TCF7L2: variants seen among roughly 807,000 people sequenced by gnomAD.
TCF7L2 encodes the protein transcription factor 7-like 2.
A neutral mutation model predicts 77.9 loss-of-function variants in TCF7L2; 23 were observed. That is an observed-to-expected ratio of 0.30 (90% CI 0.21 to 0.42). The LOEUF (loss-of-function observed/expected upper bound fraction) is 0.42. Ranked by LOEUF, TCF7L2 falls within the 10% of genes least tolerant of loss-of-function variation. The pLI is 1.00. For synonymous variants in TCF7L2, 413 were observed against 340.2 expected, an observed-to-expected ratio of 1.21 and a Z score of -2.36; for missense variants, 654 against 793.1, an observed-to-expected ratio of 0.82 and a Z score of 2.11.
At position 112,951,589 on chromosome 10, in the gene TCF7L2, C is replaced by T. The variant is rs370746069; in HGVS notation, c.363C>T (p.Leu121=). The stretch of plus-strand genomic sequence containing the variant: ...GCCCCTACCTCCCCAACGGATCGCT[C>T]TCGCCCACCGCCCGAACCGTAAGTG... Residue 121 remains leucine, a synonymous_variant, in exon 3 of 14, where the codon CTC becomes CTT. Coordinates refer to ENST00000627217, the MANE Select transcript of TCF7L2 (RefSeq NM_001146274.2). The T allele has an allele frequency of 2.8e-5, 37 of 1,344,502 alleles. No homozygotes were observed. In the African/African-American group the frequency reaches 5.7e-4, roughly 21 times the overall value. 83.3% of individuals were successfully genotyped at this position (1,344,502 alleles called of 1,614,324 possible).
rs71869784 is a variant in TCF7L2, at chr10:113,036,115, CCATCATCATCATCATCAT to C, written c.451-3878_451-3861del. On this transcript the variant is annotated intron_variant, in intron 4 of 13. Transcript: ENST00000627217. ...TGTCGCCATATCATCATCATCATCA[CCATCATCATCATCATCAT>C]CATCATCATCATCATCATCATCATC... Among the ~76,000 whole-genome samples, 286 of 146,590 alleles carry C rather than the reference CCATCATCATCATCATCAT, an allele frequency of 2.0e-3. 2 individuals are homozygous for C. The highest frequency in any genetic ancestry group is 5.8e-3 in the African/African-American group (230 of 39,516).
chr10:112,960,876 G>A (rs2034911413), intron 3 of TCF7L2, among the ~76,000 whole-genome samples: 1 of 151,406 alleles, frequency 6.6e-6, no homozygotes, highest in Non-Finnish European at 1.5e-5. Flanking sequence ...TATTTTTAGT[G>A]GAGATGGTGT....
intron 4 of TCF7L2, among the ~76,000 whole-genome samples, chr10:113,034,957 C>T (rs112701213): frequency 6.6e-6 from 1 of 152,098 alleles, no homozygotes; most frequent in African/African-American, 2.4e-5. Context: ...CTTCCCCTCT[C>T]CCCTCCCCTC....
At chr10:112,975,683 T>C (rs11816006) in intron 4 of TCF7L2, among the ~76,000 whole-genome samples, 23,847 of 152,094 alleles carry the variant, frequency 0.16, 3,421 homozygotes, top group African/African-American at 0.39. Flanking sequence ...GGTTTCACCA[T>C]GTTGGCCAGG....
intron 5 of TCF7L2, among the ~76,000 whole-genome samples, chr10:113,140,779 T>TGCA (rs1356573502): frequency 6.6e-6 from 1 of 152,124 alleles, no homozygotes; most frequent in African/African-American, 2.4e-5. Flanking sequence ...TGGTCCCCTG[T>TGCA]GCAGCCTGCG....
In TCF7L2 at chr10:113,165,571, G is replaced by A. The variant is rs368331428; in HGVS notation, c.1408G>A (p.Val470Ile). The A allele has an allele frequency of 1.1e-5, 18 of 1,613,674 alleles. No homozygotes were observed. Among genetic ancestry groups the A allele is most frequent in the Non-Finnish European group, 1.5e-5 (18 of 1,179,904 alleles). ...TGTTTCTAGGAGAAAAAAAAAGTGC[G>A]TTCGCTACATACAAGGTGAAGGCAG... The change falls in exon 14 of 14, where the codon GTT (valine) becomes ATT (isoleucine). Residue 470 changes from valine (V) to isoleucine (I), a missense_variant. Around this residue, in one of 6 missense-constraint regions of TCF7L2, gnomAD observed 272 missense variants for 215.4 expected, o/e 1.26. Coordinates refer to ENST00000627217, the MANE Select transcript of TCF7L2 (RefSeq NM_001146274.2).
intron 5 of TCF7L2, among the ~76,000 whole-genome samples, chr10:113,048,702 C>A (rs948671787): frequency 6.6e-6 from 1 of 152,146 alleles, no homozygotes. Context: ...TTATGTGGAA[C>A]GTGGTTGCAC....
chr10:113,084,791 G>C (rs1343425768), intron 5 of TCF7L2, among the ~76,000 whole-genome samples: 2 of 151,870 alleles, frequency 1.3e-5, no homozygotes, highest in Admixed American at 1.3e-4. Context: ...CCAGCTACTC[G>C]GGAGGCTGTC....
At chr10:113,009,824 C>G (rs1047505496) in intron 4 of TCF7L2, among the ~76,000 whole-genome samples, 37 of 152,176 alleles carry the variant, frequency 2.4e-4, no homozygotes, top group African/African-American at 8.4e-4. Context: ...CCCGGTGAGT[C>G]TCAAGGGGAG....
chr10:113,045,189 C>T lies in TCF7L2; in HGVS notation c.552+5063C>T, dbSNP rs142060562. On this transcript the variant is annotated intron_variant, in intron 5 of 13. Coordinates refer to ENST00000627217, the MANE Select transcript of TCF7L2 (RefSeq NM_001146274.2). ...AATATTTAGTGTGGGAAAAAGCATG[C>T]TAGACACCAAGAGAGAGTGGAGTCA... Among the ~76,000 whole-genome samples the T allele has an allele frequency of 2.4e-3, 359 of 152,180 alleles. 1 individual carries two copies. Among genetic ancestry groups the T allele is most frequent in the African/African-American group, 8.5e-3 (352 of 41,516 alleles).
intron 13 of TCF7L2, among the ~76,000 whole-genome samples, chr10:113,162,030 T>C (rs2073244653): frequency 6.6e-6 from 1 of 152,222 alleles, no homozygotes; most frequent in South Asian, 2.1e-4. Context: ...GAAAGGAGTT[T>C]TGTGACAAAG....
chr10:112,970,889 A>C (rs1449587210), intron 4 of TCF7L2, among the ~76,000 whole-genome samples: 1 of 152,218 alleles, frequency 6.6e-6, no homozygotes, highest in African/African-American at 2.4e-5. Context: ...GAGCTGTAGC[A>C]GACTTAGGCT....
intron 5 of TCF7L2, among the ~76,000 whole-genome samples, chr10:113,121,959 G>A (rs769857373): frequency 1.3e-4 from 20 of 152,128 alleles, no homozygotes; most frequent in Non-Finnish European, 2.8e-4. Flanking sequence ...ACACGGATTC[G>A]GAACAACAGT....
chr10:113,004,267 G>A (rs1027545332), intron 4 of TCF7L2, among the ~76,000 whole-genome samples: 4 of 152,140 alleles, frequency 2.6e-5, no homozygotes, highest in Non-Finnish European at 5.9e-5. Flanking sequence ...GCAGGGCAGG[G>A]AGTAGGATGG....
chr10:113,063,523 G>T (rs1419318749), intron 5 of TCF7L2, among the ~76,000 whole-genome samples: 1 of 152,162 alleles, frequency 6.6e-6, no homozygotes, highest in Admixed American at 6.5e-5. Flanking sequence ...GAGGGATGGA[G>T]AGGAGAGGAG....
chr10:113,157,181 T>C (rs2072099533), intron 11 of TCF7L2, among the ~76,000 whole-genome samples: 1 of 152,256 alleles, frequency 6.6e-6, no homozygotes, highest in Admixed American at 6.5e-5. Flanking sequence ...TGCAGTAGCA[T>C]GATCTCGGCT....
intron 5 of TCF7L2, among the ~76,000 whole-genome samples, chr10:113,108,684 C>A (rs2062735235): frequency 1.3e-5 from 2 of 152,208 alleles, no homozygotes; most frequent in Non-Finnish European, 2.9e-5. Context: ...CGTGGTATTC[C>A]CTTTCCGGCC....
intron 4 of TCF7L2, among the ~76,000 whole-genome samples, chr10:112,992,827 G>C (rs1210966053): frequency 6.6e-6 from 1 of 151,386 alleles, no homozygotes; most frequent in African/African-American, 2.4e-5. Flanking sequence ...GCAGTGGCAC[G>C]ATCTCGGCTC....
chr10:113,063,052 A>T (rs2056722898), intron 5 of TCF7L2, among the ~76,000 whole-genome samples: 1 of 152,160 alleles, frequency 6.6e-6, no homozygotes, highest in Non-Finnish European at 1.5e-5. Context: ...TCTGAATTTC[A>T]ATTCTCTGTC....
Sources: gnomAD v4.1 joint callset for allele counts (sites outside exome capture counted in the v4.1 genomes callset) on GRCh38, gnomAD v4.1.1 for gene constraint, gnomAD v4.1.1 regional missense constraint, MANE v1.5 for transcripts, NCBI Gene and HGNC (gene_info 2026-07-23, HGNC 2026-07-21) for gene names.